FMNL1: variants seen among roughly 807,000 people sequenced by gnomAD.
The protein encoded by FMNL1 is formin-like protein 1.
A neutral mutation model predicts 121.3 loss-of-function variants in FMNL1; 43 were observed. That is an observed-to-expected ratio of 0.35 (90% CI 0.28 to 0.46). The LOEUF (loss-of-function observed/expected upper bound fraction) is 0.46, where lower values mean the gene tolerates loss of function less well. FMNL1 is among the 20% of genes least tolerant of loss of function. The pLI is 1.00. For synonymous variants in FMNL1, 613 were observed against 613.5 expected (o/e 1.00, Z 0.01); for missense variants, 1,191 against 1,482.4 (o/e 0.80, Z 3.23).
In FMNL1 at chr17:45,245,248, C is replaced by T; in HGVS notation, c.2729-5C>T. On this transcript the variant is annotated splice_region_variant and splice_polypyrimidine_tract_variant and intron_variant, in intron 21 of 26. Coordinates refer to ENST00000331495, the MANE Select transcript of FMNL1 (RefSeq NM_005892.4). ...TGACCTGATACTGCCCCATCCCTGG[C>T]CCAGTGTCCCTGGACAGTGTCCTGG... The T allele has an allele frequency of 6.2e-7, 1 of 1,614,140 alleles. No homozygotes were observed. Among genetic ancestry groups the T allele is most frequent in the Non-Finnish European group, 8.5e-7 (1 of 1,180,004 alleles).
In FMNL1 at chr17:45,242,063, T is replaced by C. The variant is rs1258888850; in HGVS notation, c.1802T>C (p.Val601Ala). The part of the protein sequence containing the change: ...PPPPPGTDGP[V>A]PPPPPPPPPP... ...CCACCTCCGGGCACTGACGGGCCGG[T>C]GCCTCCGCCGCCGCCGCCGCCGCCG... is the stretch of plus-strand genomic sequence containing the variant. The change falls in exon 15 of 27, where the codon GTG becomes GCG. Residue 601 changes from valine to alanine, a missense_variant. Physicochemically the swap from Val to Ala is moderately conservative, Grantham distance 64. Transcript: ENST00000331495. 7.1e-7 allele frequency: 1 copy of C among 1,414,322 alleles called. No individual in the cohort carries two copies. The allele number at this position is 1,414,322 out of a possible 1,614,324, so 87.6% of individuals were successfully genotyped here.
intron 1 of FMNL1, among the ~76,000 whole-genome samples, chr17:45,223,416 G>A (rs1305220612): frequency 6.6e-6 from 1 of 152,214 alleles, no homozygotes; most frequent in Non-Finnish European, 1.5e-5. Context: ...CCTCCTAACA[G>A]TTCCTGAAAA....
intron 1 of FMNL1, among the ~76,000 whole-genome samples, chr17:45,230,375 G>A (rs1266509570): frequency 2.0e-5 from 3 of 152,258 alleles, no homozygotes; most frequent in Admixed American, 6.5e-5. Context: ...AGGCAGACTC[G>A]GATTCAAATC....
intron 1 of FMNL1, among the ~76,000 whole-genome samples, chr17:45,223,349 G>A (rs2043267798): frequency 6.6e-6 from 1 of 152,136 alleles, no homozygotes; most frequent in African/African-American, 2.4e-5. Flanking sequence ...ATTTCCCCTC[G>A]CCTGGCTGGT....
rs1438522150 is a variant in FMNL1 at position 45,222,190 on chromosome 17, C to A, written c.66C>A (p.Pro22=). The part of the protein sequence containing the change: ...AGPAAPPPKQ[P]APPKQPMPAA... ...CCGCCGCGCCGCCCCCCAAGCAGCC[C>A]GCGCCTCCCAAGCAGCCGATGCCCG... The change falls in exon 1 of 27, where the codon CCC becomes CCA. Residue 22 remains proline (P), a synonymous_variant. Transcript: ENST00000331495. 8.0e-7 allele frequency: 1 copy of A among 1,249,180 alleles called. No individual in the cohort carries two copies. Among genetic ancestry groups the A allele is most frequent in the Non-Finnish European group, 1.0e-6 (1 of 993,116 alleles). The allele number at this position is 1,249,180 out of a possible 1,614,324, so 77.4% of individuals were successfully genotyped here.
Position 45,243,909 on chromosome 17 carries a change from C to A in FMNL1, c.2332C>A (p.Leu778Met). The A allele has an allele frequency of 6.2e-7, 1 of 1,613,918 alleles. No homozygotes were observed. The highest frequency in any genetic ancestry group is 8.5e-7 in the Non-Finnish European group (1 of 1,180,044). The change falls in exon 18 of 27, where the codon CTG becomes ATG. Residue 778 changes from leucine to methionine, a missense_variant. Physicochemically the swap from Leu to Met is conservative, Grantham distance 15 (BLOSUM62 2). Around this residue, in one of 4 missense-constraint regions of FMNL1, gnomAD observed 367 missense variants for 528.6 expected, o/e 0.69. Coordinates refer to ENST00000331495, the MANE Select transcript of FMNL1 (RefSeq NM_005892.4). Reference protein sequence around the residue: ...FEREQRPMEELSEEDRFMLCF... With the variant: ...FEREQRPMEEMSEEDRFMLCF... Reference sequence around the variant, plus strand: ...GCGGGAGCAGCGGCCAATGGAGGAGCTGTCAGAGGAGGACCGCTTCATGCT... The same window carrying A: ...GCGGGAGCAGCGGCCAATGGAGGAGATGTCAGAGGAGGACCGCTTCATGCT...
At position 45,242,099 on chromosome 17, in the gene FMNL1, G is replaced by T. The variant is rs2043717609; in HGVS notation, c.1838G>T (p.Gly613Val). Residue 613 changes from glycine to valine, a missense_variant, in exon 15 of 27, where the codon GGA becomes GTA. By Grantham distance (109) the Gly-to-Val change is moderately radical. Coordinates refer to ENST00000331495, the MANE Select transcript of FMNL1 (RefSeq NM_005892.4). The stretch of plus-strand genomic sequence containing the variant: ...CCGCCGCCGCCGCCGCCGCCTCCCG[G>T]AGGTCCTCCTGATGCCCTAGGAAGA... ...PPPPPPPPPP[G>V]GPPDALGRRD... The T allele has an allele frequency of 6.5e-7, 1 of 1,529,186 alleles. No homozygotes were observed. The highest frequency in any genetic ancestry group is 2.0e-5 in the Admixed American group (1 of 49,656). 94.7% of individuals were successfully genotyped at this position (1,529,186 alleles called of 1,614,324 possible). A position where few individuals can be genotyped will look rare whatever the true frequency, so the allele number is the denominator to read the frequency against.
intron 19 of FMNL1, 65 bp downstream of exon 19, chr17:45,244,309 C>T: frequency 6.6e-7 from 1 of 1,510,964 alleles, no homozygotes; most frequent in Non-Finnish European, 9.0e-7. Flanking sequence ...GAGACCCAGG[C>T]CCTGCTCACC....
chr17:45,224,759 T>G (rs2043299112), intron 1 of FMNL1, among the ~76,000 whole-genome samples: 1 of 152,210 alleles, frequency 6.6e-6, no homozygotes, highest in South Asian at 2.1e-4. Flanking sequence ...TGCCCCCTGC[T>G]TAAAATGGGG....
Position 45,246,519 on chromosome 17 carries a change from C to T in FMNL1, c.3226C>T (p.Pro1076Ser). Residue 1076 changes from proline (P) to serine (S), a missense_variant, in exon 26 of 27, where the codon CCC becomes TCC. By Grantham distance (74) the Pro-to-Ser change is moderately conservative. This residue lies in a region of FMNL1 where 367 missense variants were observed against 528.6 expected (regional missense o/e 0.69). Coordinates refer to ENST00000331495, the MANE Select transcript of FMNL1 (RefSeq NM_005892.4). The stretch of plus-strand genomic sequence containing the variant: ...CCCCCACTCAGTGATCAAGACGGTG[C>T]CCTTCACGGCCCGCACCGGCAAGCG... ...EDIITVIKTVPFTARTGKRTS... is the reference protein window; with the variant it reads ...EDIITVIKTVSFTARTGKRTS... 6.2e-7 allele frequency: 1 copy of T among 1,614,154 alleles called. No homozygotes were observed. Among genetic ancestry groups the T allele is most frequent in the Non-Finnish European group, 8.5e-7 (1 of 1,179,978 alleles).
In FMNL1 at chr17:45,247,150, A is replaced by G. The variant is rs991070055; in HGVS notation, c.*292A>G. ...GCAGCATCGCCCGCCCCTTCCCCCA[A>G]ATGCTGCTTGCAGCACCCACCCTAA... is the stretch of plus-strand genomic sequence containing the variant. On this transcript the variant is annotated 3_prime_UTR_variant, in exon 27 of 27. Coordinates refer to ENST00000331495, the MANE Select transcript of FMNL1 (RefSeq NM_005892.4). 1 of 579,994 alleles carries G rather than the reference A, an allele frequency of 1.7e-6. No individual in the cohort carries two copies. 35.9% of individuals were successfully genotyped at this position (579,994 alleles called of 1,614,324 possible).
chr17:45,233,680 G>A lies in FMNL1; in HGVS notation c.434G>A (p.Arg145His), dbSNP rs148973232. The A allele has an allele frequency of 1.6e-4, 263 of 1,614,052 alleles. No homozygotes were observed. The highest frequency in any genetic ancestry group is 1.9e-4 in the Non-Finnish European group (224 of 1,179,988). ...WVQEFLNEENRGLDVLLEYLA... is the reference protein window; with the variant it reads ...WVQEFLNEENHGLDVLLEYLA... ...CAGGAGTTCCTCAATGAAGAGAACC[G>A]TGGCCTGGATGTGCTGCTCGAGTAC... Residue 145 changes from arginine (R) to histidine (H), a missense_variant, in exon 5 of 27, where the codon CGT becomes CAT. Arg to His is a conservative substitution (Grantham distance 29, BLOSUM62 0). Transcript: ENST00000331495. The surrounding 1 kb of genome is among the most constrained non-coding windows in gnomAD (Gnocchi z 4.1).
At chr17:45,242,192 A>T in intron 15 of FMNL1, 46 bp downstream of exon 15, 1 of 1,530,276 alleles carries the variant, frequency 6.5e-7, no homozygotes, top group South Asian at 1.2e-5. Context: ...GGGGAGATGG[A>T]GGGAGGGGCC....
At position 45,222,261 on chromosome 17, in the gene FMNL1, C is replaced by T; in HGVS notation, c.129+8C>T. 3 of 1,180,658 alleles carry T rather than the reference C, an allele frequency of 2.5e-6. No individual in the cohort carries two copies. The highest frequency in any genetic ancestry group is 3.9e-5 in the East Asian group (1 of 25,618). 73.1% of individuals were successfully genotyped at this position (1,180,658 alleles called of 1,614,324 possible). Reference sequence around the variant, plus strand: ...AGGTTCAACCGCGCCCTGGTGAGTGCGACCCGGAGGCGGGTCGGGCGCGGG... The same window carrying T: ...AGGTTCAACCGCGCCCTGGTGAGTGTGACCCGGAGGCGGGTCGGGCGCGGG... On this transcript the variant is annotated splice_region_variant and intron_variant, in intron 1 of 26. Coordinates refer to ENST00000331495, the MANE Select transcript of FMNL1 (RefSeq NM_005892.4).
At chr17:45,222,404 T>A in intron 1 of FMNL1, 151 bp downstream of exon 1, 1 of 605,582 alleles carries the variant, frequency 1.7e-6, no homozygotes, top group Non-Finnish European at 2.2e-6. Context: ...GGAGCGACAG[T>A]GGCCTTTTTT....
At chr17:45,234,484 G>T (rs1390527171) in intron 6 of FMNL1, 2 of 405,510 alleles carry the variant, frequency 4.9e-6, no homozygotes, top group Non-Finnish European at 9.3e-6. Context: ...GGCTAACATG[G>T]TGAAACCCCA....
Position 45,246,911 on chromosome 17 carries a change from A to C in FMNL1, c.*53A>C. On this transcript the variant is annotated 3_prime_UTR_variant, in exon 27 of 27. Coordinates refer to ENST00000331495, the MANE Select transcript of FMNL1 (RefSeq NM_005892.4). ...CATCCGCGCAGACACAGGCCGCCGC[A>C]GTGCCCGTCGGCGTCCCCCGGGCCC... 1 of 758,136 alleles carries C rather than the reference A, an allele frequency of 1.3e-6. No homozygotes were observed. 47.0% of individuals were successfully genotyped at this position (758,136 alleles called of 1,614,324 possible). A position where few individuals can be genotyped will look rare whatever the true frequency, so the allele number is the denominator to read the frequency against.
Position 45,237,697 on chromosome 17 carries a change from G to C in FMNL1, c.894+58G>C. 2 of 1,577,034 alleles carry C rather than the reference G, an allele frequency of 1.3e-6. No individual in the cohort carries two copies. The highest frequency in any genetic ancestry group is 1.7e-6 in the Non-Finnish European group (2 of 1,148,406). ...CCCCTATGGTGTTGCTTGGAGTCTT[G>C]TTGTTGGCAGTTGTGGCCTTTGCTG... On this transcript the variant is annotated intron_variant, in intron 9 of 26. Transcript: ENST00000331495. The surrounding 1 kb of genome is among the most constrained non-coding windows in gnomAD (Gnocchi z 4.4).
chr17:45,243,813 C>T lies in FMNL1; in HGVS notation c.2236C>T (p.Leu746=). The part of the protein sequence containing the change: ...IEAYDLQALG[L]DFLELLMRFL... Reference sequence around the variant, plus strand: ...CAGGTACGACCTGCAGGCTCTGGGCCTGGACTTCCTGGAGCTGCTGATGCG... The same window carrying T: ...CAGGTACGACCTGCAGGCTCTGGGCTTGGACTTCCTGGAGCTGCTGATGCG... The change falls in exon 18 of 27, where the codon CTG becomes TTG. Residue 746 remains leucine (L), a synonymous_variant. Coordinates refer to ENST00000331495, the MANE Select transcript of FMNL1 (RefSeq NM_005892.4). The T allele has an allele frequency of 1.2e-6, 2 of 1,612,442 alleles. No individual in the cohort carries two copies. Among genetic ancestry groups the T allele is most frequent in the Non-Finnish European group, 8.5e-7 (1 of 1,178,858 alleles).
Sources: gnomAD v4.1 joint callset for allele counts (sites outside exome capture counted in the v4.1 genomes callset) on GRCh38, gnomAD v4.1.1 for gene constraint, gnomAD v4.1.1 regional missense constraint, Gnocchi (gnomAD v3.1) non-coding constraint, MANE v1.5 for transcripts, NCBI Gene and HGNC (gene_info 2026-07-23, HGNC 2026-07-21) for gene names.